Variants in RGS6 observed in about 807,000 individuals in gnomAD.
The protein encoded by RGS6 is regulator of G protein signaling 6.
A neutral mutation model predicts 78.5 loss-of-function variants in RGS6; 30 were observed. The observed-to-expected ratio is 0.38, with a 90% CI of 0.29 to 0.52. RGS6 has a LOEUF of 0.52. RGS6 is among the 20% of genes least tolerant of loss of function. The pLI is 0.85. For missense variants in RGS6, 495 were observed against 609.7 expected, an observed-to-expected ratio of 0.81 and a Z score of 1.98; for synonymous variants, 206 against 206.0, an observed-to-expected ratio of 1.00 and a Z score of 0.00.
At chr14:72,458,180 T>A in intron 4 of RGS6, 91 bp from the exon 5 acceptor site, 1 of 915,938 alleles carries the variant, frequency 1.1e-6, no homozygotes, top group Non-Finnish European at 1.7e-6. Flanking sequence ...CATCTGGGGG[T>A]GATGACAGTT....
intron 14 of RGS6, chr14:72,515,854 C>T (rs1299272844): frequency 6.6e-6 from 1 of 152,286 alleles, no homozygotes; most frequent in Non-Finnish European, 1.5e-5. Context: ...AGCAGCTCCT[C>T]CTCAGTGCTG....
intron 15 of RGS6, among the ~76,000 whole-genome samples, chr14:72,530,250 G>T (rs1212343615): frequency 6.6e-6 from 1 of 152,220 alleles, no homozygotes; most frequent in Non-Finnish European, 1.5e-5. Context: ...GAAGGGTCTG[G>T]AGAGGTTCCA....
At chr14:72,547,448 A>C in intron 17 of RGS6, 1 of 849,362 alleles carries the variant, frequency 1.2e-6, no homozygotes, top group Non-Finnish European at 1.8e-6. Flanking sequence ...CCCCCTTTTA[A>C]AATAGTGATG....
intron 14 of RGS6, among the ~76,000 whole-genome samples, chr14:72,514,728 G>A (rs989175045): frequency 1.3e-5 from 2 of 152,328 alleles, no homozygotes; most frequent in South Asian, 2.1e-4. Flanking sequence ...CAGTCACAAC[G>A]GCCCTTCTGC....
At chr14:71,917,100 A>G in the RGS6 span, among the ~76,000 whole-genome samples, 1 of 152,230 alleles carries the variant, frequency 6.6e-6, no homozygotes, top group Non-Finnish European at 1.5e-5. Context: ...GGCTGCTTTA[A>G]GATCCTGGGT....
chr14:72,432,745 C>A (rs1359380471), intron 3 of RGS6, among the ~76,000 whole-genome samples: 1 of 152,068 alleles, frequency 6.6e-6, no homozygotes, highest in African/African-American at 2.4e-5. Context: ...GAGCCATAAA[C>A]CTGGGAAATA....
chr14:72,253,225 G>T (rs1447400438), intron 2 of RGS6, among the ~76,000 whole-genome samples: 2 of 152,234 alleles, frequency 1.3e-5, no homozygotes, highest in Non-Finnish European at 2.9e-5. Context: ...CATGAGAATG[G>T]CATATTACCA....
chr14:72,177,877 C>G lies in RGS6; in HGVS notation c.85-174218C>G, dbSNP rs17108551. Among the ~76,000 whole-genome samples, 1,240 of 152,282 alleles carry G rather than the reference C, an allele frequency of 8.1e-3. 16 individuals are homozygous for G. Among genetic ancestry groups the G allele is most frequent in the African/African-American group, 0.027 (1,142 of 41,540 alleles). On this transcript the variant is annotated intron_variant, in intron 2 of 17. Coordinates refer to ENST00000553525, the MANE Select transcript of RGS6 (RefSeq NM_001204424.2). ...TATCTTAACATCCACAACTACATGTCGAGAGAATACGAAAATGTGTTCTTA... is the reference window on the plus strand; with the variant it reads ...TATCTTAACATCCACAACTACATGTGGAGAGAATACGAAAATGTGTTCTTA...
intron 2 of RGS6, among the ~76,000 whole-genome samples, chr14:72,318,351 G>C (rs1361336402): frequency 6.6e-6 from 1 of 152,136 alleles, no homozygotes; most frequent in Non-Finnish European, 1.5e-5. Context: ...TGCCCACCCA[G>C]ATTAAGGATG....
intron 3 of RGS6, among the ~76,000 whole-genome samples, chr14:72,443,680 A>G (rs2095278543): frequency 6.6e-6 from 1 of 152,226 alleles, no homozygotes; most frequent in African/African-American, 2.4e-5. Context: ...CTGGAAGGTA[A>G]TAAAACCCCC....
intron 2 of RGS6, among the ~76,000 whole-genome samples, chr14:72,036,354 A>G (rs2091713344): frequency 1.3e-5 from 2 of 151,982 alleles, no homozygotes; most frequent in South Asian, 2.1e-4. Context: ...TTAAGCTTCT[A>G]TAATCATTCT....
intron 3 of RGS6, among the ~76,000 whole-genome samples, chr14:72,366,788 A>C (rs1596326331): frequency 6.6e-6 from 1 of 152,054 alleles, no homozygotes; most frequent in Admixed American, 6.6e-5. Context: ...TCCACGCCCC[A>C]CCTGCCCTGC....
At chr14:71,912,894 C>T in the RGS6 span, among the ~76,000 whole-genome samples, 20 of 152,056 alleles carry the variant, frequency 1.3e-4, no homozygotes, top group East Asian at 2.9e-3. Context: ...GGCATGATCT[C>T]GGCTCACTGC....
chr14:72,177,910 C>T (rs2097127438), intron 2 of RGS6, among the ~76,000 whole-genome samples: 1 of 152,210 alleles, frequency 6.6e-6, no homozygotes, highest in Non-Finnish European at 1.5e-5. Context: ...TTAGGCTTTT[C>T]CTTGTTCAAC....
At chr14:72,478,043 T>C (rs1412053298) in intron 11 of RGS6, among the ~76,000 whole-genome samples, 1 of 152,090 alleles carries the variant, frequency 6.6e-6, no homozygotes, top group Admixed American at 6.5e-5. Context: ...CACCACAGTA[T>C]AGGAGGAGAT....
chr14:72,585,232 C>A, the RGS6 span, among the ~76,000 whole-genome samples: 2 of 152,192 alleles, frequency 1.3e-5, no homozygotes, highest in East Asian at 3.8e-4. Flanking sequence ...GTTGAACTCA[C>A]AATCTCCCTC....
At chr14:71,964,602 A>G (rs904403208) in intron 1 of RGS6, among the ~76,000 whole-genome samples, 170 bp from the exon 2 acceptor site, 1 of 152,234 alleles carries the variant, frequency 6.6e-6, no homozygotes, top group Non-Finnish European at 1.5e-5. Context: ...GATTAGAAGA[A>G]TATTTGTGGA....
intron 9 of RGS6, chr14:72,474,119 C>G (rs2096168119): frequency 6.6e-6 from 1 of 152,360 alleles, no homozygotes; most frequent in Admixed American, 6.5e-5. Context: ...TGAAATTTAG[C>G]AAGCAGGCAA....
At chr14:72,257,169 A>C (rs976155385) in intron 2 of RGS6, among the ~76,000 whole-genome samples, 1 of 152,236 alleles carries the variant, frequency 6.6e-6, no homozygotes, top group Non-Finnish European at 1.5e-5. Context: ...TACTGGGTTA[A>C]CAATATGTCC....
Sources: allele counts gnomAD v4.1 joint callset (sites outside exome capture counted in the v4.1 genomes callset), GRCh38; gene constraint gnomAD v4.1.1; transcripts MANE v1.5; gene names NCBI Gene and HGNC (gene_info 2026-07-23, HGNC 2026-07-21).